KCNRG: variants seen among roughly 807,000 people sequenced by gnomAD.
KCNRG encodes potassium channel regulator.
Under a neutral mutation model 17.7 loss-of-function variants are expected in KCNRG, and 17 were observed. The ratio of observed to expected loss-of-function variants is 0.96; its 90% CI spans 0.66 to 1.44. KCNRG has a LOEUF of 1.44. KCNRG is among the 40% of genes most tolerant of loss of function. The probability of loss-of-function intolerance (pLI) is 0.00; values close to 1 mark genes in which losing one functional copy is unlikely to be tolerated. For missense variants in KCNRG, 311 were observed against 321.1 expected (o/e 0.97, Z 0.24); for synonymous variants, 97 against 116.5 (o/e 0.83, Z 1.08).
At position 50,016,081 on chromosome 13, in the gene KCNRG, A is replaced by G. The variant is rs754274202; in HGVS notation, c.578+10A>G. 6.2e-7 allele frequency: 1 copy of G among 1,600,856 alleles called. No homozygotes were observed. On this transcript the variant is annotated intron_variant, in intron 1 of 1. Coordinates refer to ENST00000312942, the MANE Select transcript of KCNRG (RefSeq NM_173605.2). ...ACCAAACTGGAGTCAGGTATTTTGTACTTTGCAGTATTTCTCTTGTATACC... is the reference window on the plus strand; with the variant it reads ...ACCAAACTGGAGTCAGGTATTTTGTGCTTTGCAGTATTTCTCTTGTATACC...
Position 50,015,957 on chromosome 13 carries a change from A to T in KCNRG, c.464A>T (p.Asn155Ile). 6.2e-7 allele frequency: 1 copy of T among 1,614,092 alleles called. No homozygotes were observed. Among genetic ancestry groups the T allele is most frequent in the Non-Finnish European group, 8.5e-7 (1 of 1,179,974 alleles). ...EQPSAPTWNG[N>I]FFPPQMTLLP... is the part of the protein sequence containing the mutation. ...CCTTCAGCGCCGACCTGGAATGGTA[A>T]CTTTTTCCCTCCTCAGATGACCTTA... Residue 155 changes from asparagine to isoleucine, a missense_variant, in exon 1 of 2, where the codon AAC becomes ATC. Physicochemically the swap from Asn to Ile is moderately radical, Grantham distance 149. Transcript: ENST00000312942.
intron 1 of KCNRG, chr13:50,018,499 A>G (rs1326363420): frequency 6.2e-6 from 1 of 162,334 alleles, no homozygotes; most frequent in African/African-American, 2.4e-5. Context: ...AGATTTTACT[A>G]TTGGTTTCTT....
chr13:50,020,646 T>C lies in KCNRG; in HGVS notation c.*192T>C. 1 of 570,510 alleles carries C rather than the reference T, an allele frequency of 1.8e-6. No individual in the cohort carries two copies. The highest frequency in any genetic ancestry group is 2.1e-5 in the South Asian group (1 of 46,738). 35.3% of individuals were successfully genotyped at this position (570,510 alleles called of 1,614,324 possible). Reference sequence around the variant, plus strand: ...CTGCTCTCTAGACAACTCCATGTACTTGGTGCTTTGGTATATGTTCTACCT... The same window carrying C: ...CTGCTCTCTAGACAACTCCATGTACCTGGTGCTTTGGTATATGTTCTACCT... On this transcript the variant is annotated 3_prime_UTR_variant, in exon 2 of 2. Transcript: ENST00000312942.
rs567282091 is a variant in KCNRG at position 50,020,574 on chromosome 13, C to T, written c.*120C>T. On this transcript the variant is annotated 3_prime_UTR_variant, in exon 2 of 2. Transcript: ENST00000312942. Reference sequence around the variant, plus strand: ...CTCTTGGCTTCATCTGCTGCCATGCCGTCTCTGGGCAACCAGGCCCCAACT... The same window carrying T: ...CTCTTGGCTTCATCTGCTGCCATGCTGTCTCTGGGCAACCAGGCCCCAACT... 1.1e-4 allele frequency: 111 copies of T among 1,041,346 alleles called. No individual in the cohort carries two copies. The highest frequency in any genetic ancestry group is 6.5e-4 in the East Asian group (26 of 39,854). The allele number at this position is 1,041,346 out of a possible 1,614,324, so 64.5% of individuals were successfully genotyped here. A position where few individuals can be genotyped will look rare whatever the true frequency, so the allele number is the denominator to read the frequency against.
chr13:50,017,447 A>G (rs888076908), intron 1 of KCNRG: 5 of 167,152 alleles, frequency 3.0e-5, no homozygotes, highest in African/African-American at 1.2e-4. Flanking sequence ...CACAGTGCCA[A>G]ATGGTTTTCC....
chr13:50,017,189 C>T (rs1458881451), intron 1 of KCNRG: 3 of 166,904 alleles, frequency 1.8e-5, no homozygotes, highest in Non-Finnish European at 4.4e-5. Context: ...TGATGGGATA[C>T]TTTAACAAAA....
intron 1 of KCNRG, chr13:50,017,736 C>G (rs1007835805): frequency 1.2e-5 from 2 of 166,948 alleles, no homozygotes; most frequent in Non-Finnish European, 2.9e-5. Flanking sequence ...AAAACTCTGG[C>G]CTTAAAAGGT....
At chr13:50,020,166 G>A in intron 1 of KCNRG, 48 bp from the exon 2 acceptor site, 1 of 1,584,692 alleles carries the variant, frequency 6.3e-7, no homozygotes, top group East Asian at 2.2e-5. Flanking sequence ...AGTTTTGCTA[G>A]TTATTAAAGG....
rs745323103 is a variant in KCNRG at position 50,020,375 on chromosome 13, G to C, written c.740G>C (p.Ser247Thr). The change falls in exon 2 of 2, where the codon AGC becomes ACC. Residue 247 changes from serine (S) to threonine (T), a missense_variant. Ser to Thr is a moderately conservative substitution (Grantham distance 58). Transcript: ENST00000312942. ...TGCTATAGCTTTGAAAGGATAAAAA[G>C]CCCTGAAGTGCTCATCACGAATGAA... ...TECYSFERIK[S>T]PEVLITNETP... 6.2e-7 allele frequency: 1 copy of C among 1,613,958 alleles called. No individual in the cohort carries two copies. The highest frequency in any genetic ancestry group is 1.1e-5 in the South Asian group (1 of 91,076).
chr13:50,019,066 C>T (rs1876968317), intron 1 of KCNRG: 1 of 152,334 alleles, frequency 6.6e-6, no homozygotes, highest in African/African-American at 2.4e-5. Context: ...GCATGAGGCA[C>T]TACGCCCAGC....
At chr13:50,016,110 T>G in intron 1 of KCNRG, 39 bp downstream of exon 1, 1 of 1,442,142 alleles carries the variant, frequency 6.9e-7, no homozygotes, top group Non-Finnish European at 9.6e-7. Context: ...GTATACCAGT[T>G]TGTGATGTTT....
chr13:50,017,844 G>A (rs185621540), intron 1 of KCNRG: 147 of 167,124 alleles, frequency 8.8e-4, no homozygotes. Flanking sequence ...TTTTTGGTAG[G>A]TTTGGAAAAT....
Position 50,015,885 on chromosome 13 carries a change from A to T in KCNRG, c.392A>T (p.Lys131Ile). 1 of 1,614,092 alleles carries T rather than the reference A, an allele frequency of 6.2e-7. No homozygotes were observed. The highest frequency in any genetic ancestry group is 8.5e-7 in the Non-Finnish European group (1 of 1,179,996). ...AFFRVFGSCS[K>I]TIEMLTGRIT... ...TTCAGGGTGTTTGGCTCTTGCAGCAAAACAATTGAGATGCTAACAGGGAGG... is the reference window on the plus strand; with the variant it reads ...TTCAGGGTGTTTGGCTCTTGCAGCATAACAATTGAGATGCTAACAGGGAGG... The change falls in exon 1 of 2, where the codon AAA becomes ATA. Residue 131 changes from lysine (K) to isoleucine (I), a missense_variant. Lys to Ile is a moderately radical substitution (Grantham distance 102). Transcript: ENST00000312942.
intron 1 of KCNRG, chr13:50,018,840 T>C (rs1876940886): frequency 1.2e-5 from 2 of 161,104 alleles, no homozygotes; most frequent in South Asian, 1.5e-4. Context: ...TGCAATGGCG[T>C]GATCTCGGCT....
rs771598479 is a variant in KCNRG at position 50,015,992 on chromosome 13, C to A, written c.499C>A (p.Pro167Thr). The part of the protein sequence containing the change: ...FPPQMTLLPL[P>T]PQRPSYHDLV... ...TCCTCAGATGACCTTACTTCCACTG[C>A]CTCCACAAAGACCTTCTTACCATGA... Residue 167 changes from proline to threonine, a missense_variant, in exon 1 of 2, where the codon CCT (proline) becomes ACT (threonine). Pro to Thr is a conservative substitution (Grantham distance 38). Coordinates refer to ENST00000312942, the MANE Select transcript of KCNRG (RefSeq NM_173605.2). 3 of 1,613,974 alleles carry A rather than the reference C, an allele frequency of 1.9e-6. No homozygotes were observed. The South Asian group carries it at 3.3e-5, about 18-fold the overall frequency.
At chr13:50,017,897 T>C (rs574446436) in intron 1 of KCNRG, 136 of 167,222 alleles carry the variant, frequency 8.1e-4, no homozygotes, top group African/African-American at 3.1e-3. Flanking sequence ...TGGTGTATCA[T>C]TCACTTTATT....
chr13:50,018,038 C>G (rs1209006234), intron 1 of KCNRG: 1 of 167,040 alleles, frequency 6.0e-6, no homozygotes, highest in African/African-American at 2.4e-5. Flanking sequence ...TTATCAAGCT[C>G]AAATTATAGT....
At chr13:50,018,214 A>G (rs1020045121) in intron 1 of KCNRG, 7 of 166,828 alleles carry the variant, frequency 4.2e-5, no homozygotes, top group African/African-American at 1.7e-4. Flanking sequence ...TTTATTTTTC[A>G]GTTTGTCCTC....
chr13:50,018,173 A>T (rs1422828982), intron 1 of KCNRG: 1 of 166,916 alleles, frequency 6.0e-6, no homozygotes, highest in African/African-American at 2.4e-5. Context: ...GGTTTCCCCT[A>T]TTTTGTCCTT....
Sources: allele counts gnomAD v4.1 joint callset, GRCh38; gene constraint gnomAD v4.1.1; transcripts MANE v1.5; gene names NCBI Gene and HGNC (gene_info 2026-07-23, HGNC 2026-07-21).